Variants in RTN1 observed in about 807,000 individuals in gnomAD.
RTN1 encodes reticulon-1.
In RTN1, 25 loss-of-function variants were observed where a neutral mutation model predicts 65.5. That is an observed-to-expected ratio of 0.38 (90% CI 0.28 to 0.53). RTN1 has a LOEUF of 0.53. Among genes scored for constraint, RTN1 ranks in the 20% least tolerant of loss-of-function variants. The pLI is 0.79. For synonymous variants in RTN1, 471 were observed against 447.6 expected (o/e 1.05, Z -0.66); for missense variants, 983 against 1,025.4 (o/e 0.96, Z 0.57).
At chr14:59,781,445 A>G (rs191077957) in intron 1 of RTN1, among the ~76,000 whole-genome samples, 113 of 152,158 alleles carry the variant, frequency 7.4e-4, no homozygotes, top group African/African-American at 2.3e-3. Flanking sequence ...TTGGAACAGA[A>G]CAGTAAGTGG....
chr14:59,689,161 A>G lies in RTN1; in HGVS notation c.1765+37758T>C, dbSNP rs541416274. Among the ~76,000 whole-genome samples the G allele has an allele frequency of 7.2e-5, 11 of 152,296 alleles. 1 individual carries two copies. Among genetic ancestry groups the G allele is most frequent in the Admixed American group, 2.0e-4 (3 of 15,300 alleles). On this transcript the variant is annotated intron_variant, in intron 3 of 8. Coordinates refer to ENST00000267484, the MANE Select transcript of RTN1 (RefSeq NM_021136.3). The stretch of plus-strand genomic sequence containing the variant: ...TGAAAAACTCATTTAAGAAATTTCA[A>G]TATAAAATTGAAAGCTTCATCAATA...
At chr14:59,751,109 T>A (rs1885511081) in intron 1 of RTN1, among the ~76,000 whole-genome samples, 1 of 151,448 alleles carries the variant, frequency 6.6e-6, no homozygotes, top group Non-Finnish European at 1.5e-5. Flanking sequence ...TTGCTAACGA[T>A]ACTTCATTTA....
At chr14:59,752,398 G>A (rs1002089059) in intron 1 of RTN1, among the ~76,000 whole-genome samples, 2 of 152,032 alleles carry the variant, frequency 1.3e-5, no homozygotes, top group Non-Finnish European at 1.5e-5. Context: ...TTCCATTCAT[G>A]AGAGCTCTGC....
intron 1 of RTN1, among the ~76,000 whole-genome samples, chr14:59,791,893 G>A (rs1344532273): frequency 6.6e-6 from 1 of 152,022 alleles, no homozygotes; most frequent in African/African-American, 2.4e-5. Context: ...GGGCATAGGG[G>A]GAGCTTTCCA....
chr14:59,847,518 C>T (rs1887431235), intron 1 of RTN1, among the ~76,000 whole-genome samples: 3 of 152,152 alleles, frequency 2.0e-5, no homozygotes, highest in Admixed American at 1.3e-4. Flanking sequence ...TTTTGTTTTG[C>T]TCATGTGGGC....
chr14:59,787,495 A>T (rs2139583285), intron 1 of RTN1, among the ~76,000 whole-genome samples: 1 of 152,332 alleles, frequency 6.6e-6, no homozygotes. Context: ...GTCAGCGTTT[A>T]TTAGATGGCA....
At chr14:59,652,464 A>G (rs994007561) in intron 3 of RTN1, among the ~76,000 whole-genome samples, 7 of 152,210 alleles carry the variant, frequency 4.6e-5, no homozygotes, top group Non-Finnish European at 1.0e-4. Flanking sequence ...TAAAGAAAAT[A>G]TGGTACATAT....
At chr14:59,659,507 A>G (rs1310871773) in intron 3 of RTN1, among the ~76,000 whole-genome samples, 1 of 152,210 alleles carries the variant, frequency 6.6e-6, no homozygotes, top group Non-Finnish European at 1.5e-5. Flanking sequence ...CGGGTTACCC[A>G]GAAAGGGAAG....
intron 3 of RTN1, among the ~76,000 whole-genome samples, chr14:59,672,438 A>T: frequency 6.6e-6 from 1 of 152,130 alleles, no homozygotes; most frequent in East Asian, 1.9e-4. Context: ...TTATGCTTTT[A>T]CTATGGTGCT....
chr14:59,627,039 T>C (rs1372188466), intron 3 of RTN1, among the ~76,000 whole-genome samples: 1 of 152,160 alleles, frequency 6.6e-6, no homozygotes, highest in African/African-American at 2.4e-5. Context: ...TGGGAGGAGT[T>C]ATGGATTTGA....
At chr14:59,822,048 T>G (rs1219477315) in intron 1 of RTN1, among the ~76,000 whole-genome samples, 5 of 152,154 alleles carry the variant, frequency 3.3e-5, no homozygotes, top group African/African-American at 1.2e-4. Flanking sequence ...AGGGAGGAGT[T>G]CCTTCTCAGT....
rs112851825 is a variant in RTN1, at chr14:59,695,808, G to T, written c.1765+31111C>A. 5.8e-3 allele frequency among the ~76,000 whole-genome samples: 874 copies of T among 151,668 alleles called. 8 individuals are homozygous for T. The highest frequency in any genetic ancestry group is 0.018 in the African/African-American group (747 of 41,372). The stretch of plus-strand genomic sequence containing the variant: ...AATCTACCTTTGATTATATCAGCAC[G>T]ATTTTGCTATATATTGATATTATAT... On this transcript the variant is annotated intron_variant, in intron 3 of 8. Transcript: ENST00000267484.
intron 3 of RTN1, among the ~76,000 whole-genome samples, chr14:59,704,110 T>C (rs1373460821): frequency 6.6e-6 from 1 of 152,174 alleles, no homozygotes; most frequent in African/African-American, 2.4e-5. Context: ...CTTAAACCTA[T>C]TTTTAGAGTC....
intron 3 of RTN1, among the ~76,000 whole-genome samples, chr14:59,636,589 T>TATA (rs1882670910): frequency 6.6e-6 from 1 of 152,218 alleles, no homozygotes; most frequent in Admixed American, 6.5e-5. Flanking sequence ...TAATAGAGTA[T>TATA]TATATAGTGA....
intron 1 of RTN1, among the ~76,000 whole-genome samples, chr14:59,850,473 T>C (rs1220301255): frequency 6.6e-6 from 1 of 152,218 alleles, no homozygotes; most frequent in Non-Finnish European, 1.5e-5. Flanking sequence ...ACTGAATGCA[T>C]ATTGCTTTTG....
rs189255133 is a variant in RTN1, at chr14:59,800,550, A to G, written c.242-54069T>C. Reference sequence around the variant, plus strand: ...TGAGTAGCTGGGACTACAGGCGCCCACCACCACGCCTGGCTAACTTCTTAC... The same window carrying G: ...TGAGTAGCTGGGACTACAGGCGCCCGCCACCACGCCTGGCTAACTTCTTAC... On this transcript the variant is annotated intron_variant, in intron 1 of 8. Transcript: ENST00000267484. Among the ~76,000 whole-genome samples, 472 of 152,078 alleles carry G rather than the reference A, an allele frequency of 3.1e-3. 5 individuals are homozygous for G. Among genetic ancestry groups the G allele is most frequent in the African/African-American group, 0.01 (428 of 41,476 alleles).
At chr14:59,764,963 C>A (rs1351557028) in intron 1 of RTN1, among the ~76,000 whole-genome samples, 1 of 152,138 alleles carries the variant, frequency 6.6e-6, no homozygotes, top group African/African-American at 2.4e-5. Flanking sequence ...ATTCTAAACA[C>A]TGCTGCTATG....
At chr14:59,869,348 A>G (rs1033638772) in intron 1 of RTN1, among the ~76,000 whole-genome samples, 1 of 151,512 alleles carries the variant, frequency 6.6e-6, no homozygotes, top group African/African-American at 2.4e-5. Context: ...TGCCAAAACT[A>G]CACAACTCCC....
intron 2 of RTN1, among the ~76,000 whole-genome samples, chr14:59,744,384 G>A (rs1386563371): frequency 6.6e-6 from 1 of 152,152 alleles, no homozygotes; most frequent in Non-Finnish European, 1.5e-5. Flanking sequence ...TGCAAAGGCT[G>A]GAGAGAAGAG....
Sources: gnomAD v4.1 joint callset for allele counts (sites outside exome capture counted in the v4.1 genomes callset) on GRCh38, gnomAD v4.1.1 for gene constraint, MANE v1.5 for transcripts, NCBI Gene and HGNC (gene_info 2026-07-23, HGNC 2026-07-21) for gene names.